The following GALNT13 variants were observed in gnomAD, a reference collection of about 807,000 sequenced individuals.
GALNT13 encodes polypeptide N-acetylgalactosaminyltransferase 13, also known as UDP-GalNAc:polypeptide N-acetylgalactosaminyltransferase 13.
In GALNT13, 28 loss-of-function variants were observed where a neutral mutation model predicts 64.2. That is an observed-to-expected ratio of 0.44 (90% CI 0.32 to 0.60). GALNT13 has a LOEUF of 0.60. Among genes scored for constraint, GALNT13 ranks in the 20% least tolerant of loss-of-function variants. GALNT13 has a pLI of 0.05. For missense variants in GALNT13, 577 were observed against 669.8 expected (o/e 0.86, Z 1.53); for synonymous variants, 214 against 224.6 (o/e 0.95, Z 0.42).
At chr2:153,801,078 T>C in the GALNT13 span, among the ~76,000 whole-genome samples, 2 of 152,152 alleles carry the variant, frequency 1.3e-5, no homozygotes, top group Middle Eastern at 3.2e-3. Context: ...TCAGCTTTCA[T>C]AGAATTAAAG....
At chr2:153,797,350 G>A in the GALNT13 span, among the ~76,000 whole-genome samples, 1 of 152,192 alleles carries the variant, frequency 6.6e-6, no homozygotes, top group South Asian at 2.1e-4. Flanking sequence ...GAATGACTTG[G>A]TGATGCTCTT....
chr2:154,277,347 T>A (rs767604867), intron 8 of GALNT13, among the ~76,000 whole-genome samples: 3 of 152,178 alleles, frequency 2.0e-5, no homozygotes, highest in Non-Finnish European at 2.9e-5. Context: ...TCAAAATTAA[T>A]GCATTCAAAA....
At chr2:153,648,189 G>A in the GALNT13 span, among the ~76,000 whole-genome samples, 1 of 152,142 alleles carries the variant, frequency 6.6e-6, no homozygotes, top group Non-Finnish European at 1.5e-5. Flanking sequence ...CACATCGCTT[G>A]TAAGTTGGAT....
the GALNT13 span, among the ~76,000 whole-genome samples, chr2:153,180,280 C>T: frequency 0.13 from 19,099 of 151,966 alleles, 1,480 homozygotes; most frequent in Non-Finnish European, 0.17. Flanking sequence ...TCTAATGAGA[C>T]GATCATATAG....
chr2:154,238,883 C>T (rs752347886), intron 4 of GALNT13, among the ~76,000 whole-genome samples: 28 of 151,936 alleles, frequency 1.8e-4, no homozygotes, highest in Non-Finnish European at 5.9e-5. Context: ...ATTTTAACTA[C>T]AGTATACAAT....
At chr2:153,240,182 C>T in the GALNT13 span, among the ~76,000 whole-genome samples, 2 of 152,104 alleles carry the variant, frequency 1.3e-5, no homozygotes, top group South Asian at 4.1e-4. Flanking sequence ...TCTTTCATCT[C>T]TGATTTTATT....
chr2:153,282,347 T>G, the GALNT13 span, among the ~76,000 whole-genome samples: 1 of 152,242 alleles, frequency 6.6e-6, no homozygotes, highest in East Asian at 1.9e-4. Flanking sequence ...TTGCAGTCCA[T>G]GCTTTGCTTC....
the GALNT13 span, among the ~76,000 whole-genome samples, chr2:153,287,531 A>C: frequency 6.6e-6 from 1 of 152,046 alleles, no homozygotes; most frequent in African/African-American, 2.4e-5. Context: ...ATGAATGGTG[A>C]GCCGGAAGAG....
At chr2:153,943,315 T>C (rs1691472849) in intron 2 of GALNT13, among the ~76,000 whole-genome samples, 1 of 152,182 alleles carries the variant, frequency 6.6e-6, no homozygotes, top group African/African-American at 2.4e-5. Context: ...TTTCCCCTGA[T>C]AAATTGGATG....
At chr2:153,247,015 A>G in the GALNT13 span, among the ~76,000 whole-genome samples, 1 of 152,222 alleles carries the variant, frequency 6.6e-6, no homozygotes, top group African/African-American at 2.4e-5. Context: ...CTGATAAAAC[A>G]GGCTTTAAAC....
chr2:153,577,567 G>C, the GALNT13 span, among the ~76,000 whole-genome samples: 1 of 152,012 alleles, frequency 6.6e-6, no homozygotes, highest in Non-Finnish European at 1.5e-5. Flanking sequence ...CCATCAGAAA[G>C]AAAAGCGTGC....
At chr2:154,007,952 C>T (rs1696366613) in intron 3 of GALNT13, among the ~76,000 whole-genome samples, 1 of 149,058 alleles carries the variant, frequency 6.7e-6, no homozygotes, top group Non-Finnish European at 1.5e-5. Flanking sequence ...CTTCATATTT[C>T]CACTCCTATT....
chr2:154,362,555 A>G (rs919343568), intron 9 of GALNT13, among the ~76,000 whole-genome samples: 2 of 152,004 alleles, frequency 1.3e-5, no homozygotes, highest in Admixed American at 1.3e-4. Flanking sequence ...AGTCAAAGTC[A>G]TCTTAAACTA....
chr2:153,390,391 C>A, the GALNT13 span, among the ~76,000 whole-genome samples: 1 of 151,936 alleles, frequency 6.6e-6, no homozygotes, highest in Admixed American at 6.6e-5. Flanking sequence ...AGCAAACCAC[C>A]AGGGCATGTG....
chr2:153,859,688 T>TG, the GALNT13 span, among the ~76,000 whole-genome samples: 4 of 152,272 alleles, frequency 2.6e-5, no homozygotes, highest in African/African-American at 9.6e-5. Flanking sequence ...ACCACACAGA[T>TG]GGTGGCTATG....
At chr2:153,312,724 C>T in the GALNT13 span, among the ~76,000 whole-genome samples, 32 of 152,268 alleles carry the variant, frequency 2.1e-4, no homozygotes, top group African/African-American at 6.7e-4. Flanking sequence ...ATTGTTTGCT[C>T]TGACTGGGCT....
chr2:154,412,059 T>C (rs560274538), intron 11 of GALNT13, among the ~76,000 whole-genome samples: 1 of 151,928 alleles, frequency 6.6e-6, no homozygotes, highest in Admixed American at 6.6e-5. Flanking sequence ...ATGTTGTTAA[T>C]TCTCTTATTT....
the GALNT13 span, among the ~76,000 whole-genome samples, chr2:153,649,951 G>A: frequency 3.3e-5 from 5 of 152,130 alleles, no homozygotes; most frequent in African/African-American, 9.7e-5. Flanking sequence ...GTTGATTTGG[G>A]GTGCAGAGTC....
At chr2:154,341,353 G>A (rs911175512) in intron 9 of GALNT13, among the ~76,000 whole-genome samples, 2 of 152,032 alleles carry the variant, frequency 1.3e-5, no homozygotes, top group African/African-American at 2.4e-5. Flanking sequence ...GATTTAAATC[G>A]CTAAAATGTG....
Sources: gnomAD v4.1 joint callset for allele counts (sites outside exome capture counted in the v4.1 genomes callset) on GRCh38, gnomAD v4.1.1 for gene constraint, MANE v1.5 for transcripts, NCBI Gene and HGNC (gene_info 2026-07-23, HGNC 2026-07-21) for gene names.